Variants in SVIL observed in about 807,000 individuals in gnomAD.
SVIL encodes the protein supervillin, also known as archvillin.
In SVIL, 101 loss-of-function variants were observed where a neutral mutation model predicts 240.4. That is an observed-to-expected ratio of 0.42 (90% CI 0.36 to 0.50). The LOEUF is 0.50. Ranked by LOEUF, SVIL falls within the 20% of genes least tolerant of loss-of-function variation. SVIL has a pLI of 0.01. For synonymous variants in SVIL, 999 were observed against 1,100.0 expected (o/e 0.91, Z 1.82); for missense variants, 2,512 against 2,818.7 (o/e 0.89, Z 2.46).
chr10:29,494,512 C>T (rs895311159), intron 20 of SVIL, among the ~76,000 whole-genome samples: 1 of 152,184 alleles, frequency 6.6e-6, no homozygotes, highest in African/African-American at 2.4e-5. Flanking sequence ...TATATTGAAA[C>T]ATTTACTTCA....
At chr10:29,568,854 T>C (rs554596908) in intron 2 of SVIL, among the ~76,000 whole-genome samples, 13 of 151,600 alleles carry the variant, frequency 8.6e-5, no homozygotes, top group Non-Finnish European at 1.5e-4. Context: ...TGTGTGTGTG[T>C]CTATGGAAAA....
In SVIL at chr10:29,487,166, C is replaced by T. The variant is rs200856476; in HGVS notation, c.4482G>A (p.Ala1494=). The change falls in exon 24 of 38, where the codon GCG becomes GCA. Residue 1494 remains alanine, a synonymous_variant. Transcript: ENST00000355867. The part of the protein sequence containing the change: ...VGEFANVIEK[A]KASELATLIQ... ...TTTTTATTTTTCAGGTACCAACCTT[C>T]GCCTTTTCTATGACGTTTGCAAACT... The T allele has an allele frequency of 2.7e-5, 44 of 1,613,950 alleles. No homozygotes were observed. The highest frequency in any genetic ancestry group is 3.3e-4 in the Middle Eastern group (2 of 6,058).
At chr10:29,666,349 C>A (rs557072325) in intron 2 of SVIL, among the ~76,000 whole-genome samples, 3 of 152,320 alleles carry the variant, frequency 2.0e-5, no homozygotes, top group African/African-American at 7.2e-5. Context: ...ATCTATATGC[C>A]TTTTAATAAC....
intron 26 of SVIL, among the ~76,000 whole-genome samples, chr10:29,485,649 G>A (rs1054767): frequency 0.095 from 14,468 of 152,220 alleles, 872 homozygotes; most frequent in Non-Finnish European, 0.13. Context: ...CATGCTTAAT[G>A]ATACTGGAAA....
chr10:29,462,580 C>A (rs1445298933), intron 35 of SVIL, among the ~76,000 whole-genome samples, 179 bp from the exon 36 acceptor site: 1 of 152,222 alleles, frequency 6.6e-6, no homozygotes, highest in South Asian at 2.1e-4. Flanking sequence ...TAGTTTCATG[C>A]CTGTGACTAC....
At position 29,601,402 on chromosome 10, in the gene SVIL, C is replaced by A. The variant is rs963807256; in HGVS notation, c.-200-32090G>T. Among the ~76,000 whole-genome samples the A allele has an allele frequency of 6.6e-5, 10 of 152,314 alleles. No individual in the cohort carries two copies. The South Asian group carries it at 2.1e-3, about 32-fold the overall frequency. ...AGGGAGAATAATGCATTAATGCATT[C>A]TTTCTTTAAAAGTAGAAATGTGTTT... On this transcript the variant is annotated intron_variant, in intron 1 of 37. Transcript: ENST00000355867.
At chr10:29,585,099 T>C (rs1047601279) in intron 1 of SVIL, among the ~76,000 whole-genome samples, 3 of 151,734 alleles carry the variant, frequency 2.0e-5, no homozygotes, top group African/African-American at 7.3e-5. Flanking sequence ...TTTTTTTTTT[T>C]TGAGACAGGT....
At position 29,523,584 on chromosome 10, in the gene SVIL, G is replaced by A. The variant is rs1329034818; in HGVS notation, c.3030C>T (p.His1010=). The change falls in exon 15 of 38, where the codon CAC becomes CAT. Residue 1010 remains histidine (H), a synonymous_variant. Coordinates refer to ENST00000355867, the MANE Select transcript of SVIL (RefSeq NM_021738.3). ...AAAATTCCTTCGGTTCATCCCCGAG[G>A]TGGGTGATGGGAGGGTTCGCCCGTT... ...SLERANPPIT[H]LGDEPKEFSM... is the part of the protein sequence containing the mutation. 6.2e-7 allele frequency: 1 copy of A among 1,614,188 alleles called. No individual in the cohort carries two copies. Among genetic ancestry groups the A allele is most frequent in the East Asian group, 2.2e-5 (1 of 44,876 alleles).
At chr10:29,611,612 T>C (rs1478517301) in intron 1 of SVIL, among the ~76,000 whole-genome samples, 1 of 152,094 alleles carries the variant, frequency 6.6e-6, no homozygotes, top group African/African-American at 2.4e-5. Flanking sequence ...ATGCCAAAGG[T>C]AAAGAAGTCT....
intron 1 of SVIL, among the ~76,000 whole-genome samples, chr10:29,582,764 A>C (rs1415014791): frequency 2.7e-5 from 4 of 147,868 alleles, no homozygotes; most frequent in Admixed American, 1.4e-4. Context: ...AATAATAATA[A>C]TAATAGTAAA....
intron 3 of SVIL, among the ~76,000 whole-genome samples, chr10:29,652,876 T>A (rs377230535): frequency 1.1e-4 from 17 of 152,334 alleles, no homozygotes; most frequent in African/African-American, 2.9e-4. Flanking sequence ...TGCCCTTTTT[T>A]AATCAAATTA....
At chr10:29,729,450 G>GGGGTGT (rs369489044) in intron 1 of SVIL, among the ~76,000 whole-genome samples, 14 of 136,784 alleles carry the variant, frequency 1.0e-4, no homozygotes, top group African/African-American at 4.0e-4. Flanking sequence ...TGTTTATGGA[G>GGGGTGT]GTGTGTGTGT....
At chr10:29,661,540 C>A (rs544064170) in intron 2 of SVIL, among the ~76,000 whole-genome samples, 2 of 152,120 alleles carry the variant, frequency 1.3e-5, no homozygotes, top group Non-Finnish European at 2.9e-5. Context: ...CTCTTCTCTC[C>A]GGGGCTCTCT....
At chr10:29,577,130 C>T (rs1355795036) in intron 1 of SVIL, among the ~76,000 whole-genome samples, 4 of 152,214 alleles carry the variant, frequency 2.6e-5, no homozygotes, top group Non-Finnish European at 2.9e-5. Flanking sequence ...CCACCTGCCT[C>T]GGTTTCCCAA....
intron 1 of SVIL, among the ~76,000 whole-genome samples, chr10:29,593,148 T>C (rs971976900): frequency 6.6e-6 from 1 of 151,308 alleles, no homozygotes; most frequent in Non-Finnish European, 1.5e-5. Flanking sequence ...AGTTAGAGAA[T>C]ACTTGTTGAA....
At chr10:29,649,601 T>TA (rs1958775861) in intron 3 of SVIL, among the ~76,000 whole-genome samples, 2 of 151,996 alleles carry the variant, frequency 1.3e-5, no homozygotes, top group Non-Finnish European at 2.9e-5. Flanking sequence ...AATTTTAGCT[T>TA]CAAAAAAATT....
chr10:29,623,993 C>T (rs918901856), intron 1 of SVIL, among the ~76,000 whole-genome samples: 15 of 152,088 alleles, frequency 9.9e-5, no homozygotes, highest in African/African-American at 3.4e-4. Context: ...TGCAGAATGA[C>T]GAAATCACCC....
chr10:29,600,547 C>T (rs998808578), intron 1 of SVIL, among the ~76,000 whole-genome samples: 3 of 152,178 alleles, frequency 2.0e-5, no homozygotes, highest in African/African-American at 7.2e-5. Flanking sequence ...AAGGTGCTGT[C>T]AGTGGCAAAA....
intron 17 of SVIL, chr10:29,508,554 C>T (rs1237106558): frequency 4.3e-5 from 18 of 420,514 alleles, no homozygotes; most frequent in Middle Eastern, 3.8e-4. Context: ...ATTCCGTGAC[C>T]GCAGAATGAT....
Sources: allele counts gnomAD v4.1 joint callset (sites outside exome capture counted in the v4.1 genomes callset), GRCh38; gene constraint gnomAD v4.1.1; transcripts MANE v1.5; gene names NCBI Gene and HGNC (gene_info 2026-07-23, HGNC 2026-07-21).